Variants in MLLT3 observed in about 807,000 individuals in gnomAD.
MLLT3 encodes MLLT3 super elongation complex subunit, also known as protein AF-9.
In MLLT3, 4 loss-of-function variants were observed where a neutral mutation model predicts 53.2. The ratio of observed to expected loss-of-function variants is 0.08; its 90% CI spans 0.04 to 0.17. The LOEUF (loss-of-function observed/expected upper bound fraction) is 0.17. MLLT3 is among the 10% of genes least tolerant of loss of function. MLLT3 has a pLI of 1.00. For synonymous variants in MLLT3, 283 were observed against 230.6 expected (o/e 1.23, Z -2.06); for missense variants, 569 against 684.0 (o/e 0.83, Z 1.87).
At chr9:20,617,424 G>T (rs1035300163) in intron 2 of MLLT3, among the ~76,000 whole-genome samples, 2 of 152,080 alleles carry the variant, frequency 1.3e-5, no homozygotes, top group African/African-American at 2.4e-5. Flanking sequence ...CCTACCAGTG[G>T]CCAAATTAGC....
intron 5 of MLLT3, among the ~76,000 whole-genome samples, chr9:20,400,123 AAAAACAAAACT>A (rs1362191360): frequency 6.6e-6 from 1 of 152,100 alleles, no homozygotes; most frequent in Non-Finnish European, 1.5e-5. Flanking sequence ...TCTGGCCCAG[AAAAACAAAACT>A]AAAACAAACA....
At chr9:20,600,638 C>T (rs927855842) in intron 2 of MLLT3, among the ~76,000 whole-genome samples, 12 of 152,208 alleles carry the variant, frequency 7.9e-5, no homozygotes, top group Non-Finnish European at 1.8e-4. Context: ...GGGAGATTCC[C>T]ATTTTAAATC....
chr9:20,455,398 T>C (rs1253924100), intron 3 of MLLT3, among the ~76,000 whole-genome samples: 1 of 152,242 alleles, frequency 6.6e-6, no homozygotes, highest in Non-Finnish European at 1.5e-5. Context: ...TGGAAGGGAT[T>C]GCACATTAAG....
At chr9:20,359,617 T>C (rs562671479) in intron 8 of MLLT3, among the ~76,000 whole-genome samples, 5 of 152,300 alleles carry the variant, frequency 3.3e-5, no homozygotes, top group African/African-American at 4.8e-5. Flanking sequence ...TTTTAAACTA[T>C]AAGAGATCTT....
rs927434744 is a variant in MLLT3 at position 20,512,633 on chromosome 9, C to G, written c.194-55847G>C. On this transcript the variant is annotated intron_variant, in intron 2 of 10. Transcript: ENST00000380338. ...ATAGTTAAAAATGCTGTTTCACTAG[C>G]ATGCCATGTTATGTCATTAAGCAAA... 8.5e-5 allele frequency among the ~76,000 whole-genome samples: 13 copies of G among 152,228 alleles called. No homozygotes were observed. The South Asian group carries it at 2.5e-3, about 29-fold the overall frequency.
intron 2 of MLLT3, among the ~76,000 whole-genome samples, chr9:20,582,151 TG>T (rs1025873166): frequency 2.2e-4 from 34 of 152,306 alleles, no homozygotes; most frequent in Admixed American, 2.1e-3. Context: ...CCACTCTACC[TG>T]GCTCTCATTT....
At chr9:20,373,072 T>C (rs1055098529) in intron 5 of MLLT3, among the ~76,000 whole-genome samples, 2 of 152,136 alleles carry the variant, frequency 1.3e-5, no homozygotes, top group African/African-American at 2.4e-5. Context: ...TGCTTGATAG[T>C]ATATTTTGGT....
At chr9:20,438,647 T>A (rs748125114) in intron 4 of MLLT3, among the ~76,000 whole-genome samples, 1 of 152,072 alleles carries the variant, frequency 6.6e-6, no homozygotes, top group Admixed American at 6.6e-5. Context: ...GTGGCCCAGG[T>A]TGGTCTCAAA....
At chr9:20,444,474 T>A (rs919957079) in intron 4 of MLLT3, among the ~76,000 whole-genome samples, 1 of 152,086 alleles carries the variant, frequency 6.6e-6, no homozygotes, top group Non-Finnish European at 1.5e-5. Flanking sequence ...CTTAATATAA[T>A]AACATACAAA....
chr9:20,516,709 A>C (rs1817928893), intron 2 of MLLT3, among the ~76,000 whole-genome samples: 1 of 152,224 alleles, frequency 6.6e-6, no homozygotes, highest in South Asian at 2.1e-4. Context: ...TAGTTACAAC[A>C]ATGTAGAAAG....
In MLLT3 at chr9:20,343,077, T is replaced by C. The variant is rs1341865924; in HGVS notation, c.*3366A>G. The C allele has an allele frequency of 6.1e-5, 11 of 179,230 alleles. No individual in the cohort carries two copies. The highest frequency in any genetic ancestry group is 1.0e-4 in the Non-Finnish European group (9 of 85,974). 11.1% of individuals were successfully genotyped at this position (179,230 alleles called of 1,614,324 possible). A position where few individuals can be genotyped will look rare whatever the true frequency, so the allele number is the denominator to read the frequency against. On this transcript the variant is annotated 3_prime_UTR_variant, in exon 11 of 11. Coordinates refer to ENST00000380338, the MANE Select transcript of MLLT3 (RefSeq NM_004529.4). ...GTAAAGTCTCTCTTAAACAAATATA[T>C]TAACTACATTTGTGGAGCTTGAAGT...
chr9:20,514,354 T>C (rs540763848), intron 2 of MLLT3, among the ~76,000 whole-genome samples: 11 of 152,212 alleles, frequency 7.2e-5, no homozygotes, highest in Admixed American at 4.6e-4. Flanking sequence ...TGATATCATC[T>C]GGGATGTGAG....
intron 2 of MLLT3, among the ~76,000 whole-genome samples, chr9:20,600,821 A>G (rs1820402538): frequency 6.6e-6 from 1 of 152,220 alleles, no homozygotes; most frequent in Non-Finnish European, 1.5e-5. Context: ...CCTAGAAAGT[A>G]AGGTATACAT....
chr9:20,510,788 A>T (rs1477075421), intron 2 of MLLT3, among the ~76,000 whole-genome samples: 1 of 151,578 alleles, frequency 6.6e-6, no homozygotes, highest in Non-Finnish European at 1.5e-5. Context: ...TAAATTTTTT[A>T]AATTATACAT....
chr9:20,592,832 G>A (rs1215902005), intron 2 of MLLT3, among the ~76,000 whole-genome samples: 3 of 152,086 alleles, frequency 2.0e-5, no homozygotes, highest in Admixed American at 6.6e-5. Flanking sequence ...AACATTCCAA[G>A]ATCAAGAATC....
intron 2 of MLLT3, among the ~76,000 whole-genome samples, chr9:20,534,123 A>C (rs1818416283): frequency 6.6e-6 from 1 of 152,212 alleles, no homozygotes; most frequent in Non-Finnish European, 1.5e-5. Context: ...AAAAGCTACC[A>C]CCAGAATATT....
chr9:20,415,526 G>A (rs1822849846), intron 4 of MLLT3: 16 of 659,894 alleles, frequency 2.4e-5, no homozygotes, highest in Non-Finnish European at 2.6e-5. Flanking sequence ...TAAAAGAAGA[G>A]CTCTTTCTTG....
intron 2 of MLLT3, among the ~76,000 whole-genome samples, chr9:20,608,457 G>C (rs1820622566): frequency 6.6e-6 from 1 of 151,906 alleles, no homozygotes; most frequent in Non-Finnish European, 1.5e-5. Flanking sequence ...GTATCTTTCT[G>C]TTACCAAGAC....
At chr9:20,552,643 T>C (rs1228196757) in intron 2 of MLLT3, among the ~76,000 whole-genome samples, 2 of 152,204 alleles carry the variant, frequency 1.3e-5, no homozygotes, top group Non-Finnish European at 2.9e-5. Flanking sequence ...ATAAGCAGTT[T>C]ATTTTTAAGG....
Sources: gnomAD v4.1 joint callset for allele counts (sites outside exome capture counted in the v4.1 genomes callset) on GRCh38, gnomAD v4.1.1 for gene constraint, MANE v1.5 for transcripts, NCBI Gene and HGNC (gene_info 2026-07-23, HGNC 2026-07-21) for gene names.